The following LRPPRC variants were observed in gnomAD, a reference collection of about 807,000 sequenced individuals.
The protein encoded by LRPPRC is leucine rich pentatricopeptide repeat containing, also known as leucine-rich PPR motif-containing protein, mitochondrial.
LRPPRC carries 120 observed loss-of-function variants against 180.3 expected under a neutral mutation model. That is an observed-to-expected ratio of 0.67 (90% confidence interval 0.57 to 0.77). The LOEUF is 0.77. LRPPRC is among the 30% of genes least tolerant of loss of function. The pLI is 0.00. For synonymous variants in LRPPRC, 723 were observed against 600.0 expected (o/e 1.21, Z -3.00); for missense variants, 2,012 against 1,657.2 (o/e 1.21, Z -3.72).
intron 23 of LRPPRC, among the ~76,000 whole-genome samples, chr2:43,939,729 C>T (rs974993191): frequency 3.3e-5 from 5 of 152,126 alleles, no homozygotes; most frequent in African/African-American, 1.2e-4. Flanking sequence ...ACTAATCCTC[C>T]CCAAAAAATT....
At chr2:43,933,067 A>G (rs1672147859) in intron 25 of LRPPRC, among the ~76,000 whole-genome samples, 1 of 152,160 alleles carries the variant, frequency 6.6e-6, no homozygotes, top group Non-Finnish European at 1.5e-5. Flanking sequence ...GAAAAATTAT[A>G]CCATTTTCTA....
intron 27 of LRPPRC, among the ~76,000 whole-genome samples, chr2:43,922,832 G>T (rs1671745889): frequency 6.6e-6 from 1 of 152,132 alleles, no homozygotes; most frequent in Non-Finnish European, 1.5e-5. Flanking sequence ...AATGCAGAAG[G>T]GGATAGCTTG....
intron 36 of LRPPRC, among the ~76,000 whole-genome samples, chr2:43,893,002 A>G (rs1670549720): frequency 6.6e-6 from 1 of 152,194 alleles, no homozygotes; most frequent in Non-Finnish European, 1.5e-5. Flanking sequence ...TTCAACCCTC[A>G]TGGATGAACC....
At position 43,926,102 on chromosome 2, in the gene LRPPRC, T is replaced by C; in HGVS notation, c.2737-141A>G. 5.0e-6 allele frequency: 3 copies of C among 600,118 alleles called. No homozygotes were observed. In the Admixed American group the frequency reaches 8.3e-5, roughly 17 times the overall value. The allele number at this position is 600,118 out of a possible 1,614,324, so 37.2% of individuals were successfully genotyped here. A position where few individuals can be genotyped will look rare whatever the true frequency, so the allele number is the denominator to read the frequency against. ...TTATATACTAAACTATATATACTAG[T>C]ATACAATCTATATACTAAATTTATA... On this transcript the variant is annotated intron_variant, in intron 25 of 37. Transcript: ENST00000260665.
chr2:43,930,440 C>T (rs763855812), intron 25 of LRPPRC, among the ~76,000 whole-genome samples: 2 of 152,144 alleles, frequency 1.3e-5, no homozygotes, highest in Non-Finnish European at 2.9e-5. Context: ...CAGAAGCGTT[C>T]CAGATTTCAG....
chr2:43,976,059 A>G, intron 6 of LRPPRC, 84 bp downstream of exon 6: 1 of 789,590 alleles, frequency 1.3e-6, no homozygotes, highest in Non-Finnish European at 2.2e-6. Flanking sequence ...AACCCCACTT[A>G]ACAAACAAAA....
chr2:43,974,564 G>A (rs750076289), intron 8 of LRPPRC, 50 bp downstream of exon 8: 26 of 1,236,362 alleles, frequency 2.1e-5, no homozygotes, highest in Non-Finnish European at 3.0e-5. Flanking sequence ...TGTAAGAATA[G>A]CAATTCAGAT....
intron 26 of LRPPRC, among the ~76,000 whole-genome samples, chr2:43,925,548 G>C (rs931769153): frequency 6.6e-6 from 1 of 152,072 alleles, no homozygotes; most frequent in Admixed American, 6.5e-5. Context: ...GGTGCAAACA[G>C]GTACCTGCAC....
chr2:43,919,415 T>G (rs1339328680), intron 27 of LRPPRC, among the ~76,000 whole-genome samples: 1 of 152,222 alleles, frequency 6.6e-6, no homozygotes, highest in Non-Finnish European at 1.5e-5. Context: ...TTTCACTTAG[T>G]TGAATAGAGA....
chr2:43,905,956 A>AT (rs975597839), intron 30 of LRPPRC, among the ~76,000 whole-genome samples, 176 bp from the exon 31 acceptor site: 7 of 151,620 alleles, frequency 4.6e-5, no homozygotes, highest in African/African-American at 1.2e-4. Flanking sequence ...TAGAAGGATA[A>AT]TTTTTTTTTG....
chr2:43,938,374 A>G (rs1361769330), intron 23 of LRPPRC, among the ~76,000 whole-genome samples: 1 of 152,200 alleles, frequency 6.6e-6, no homozygotes, highest in Admixed American at 6.5e-5. Context: ...ATTGAGGAAA[A>G]GATTCTGTAA....
intron 11 of LRPPRC, among the ~76,000 whole-genome samples, chr2:43,969,731 T>A (rs537914991): frequency 3.7e-4 from 56 of 152,324 alleles, no homozygotes; most frequent in African/African-American, 1.3e-3. Flanking sequence ...TCTCACTTTG[T>A]CACGCAGGCT....
In LRPPRC at chr2:43,973,771, GCTTTAA is replaced by G. The variant is rs780848960; in HGVS notation, c.1261+18_1261+23del. The G allele has an allele frequency of 2.0e-5, 32 of 1,601,442 alleles. No individual in the cohort carries two copies. In the Admixed American group the frequency reaches 3.0e-4, roughly 15 times the overall value. ...TACCTCAGCAAAACTTCCTTACTTG[GCTTTAA>G]CTTTAAGAATGTAGTACCAGTTTTA... On this transcript the variant is annotated intron_variant, in intron 10 of 37. Transcript: ENST00000260665.
At chr2:43,918,442 A>C in intron 27 of LRPPRC, 44 bp from the exon 28 acceptor site, 2 of 1,296,370 alleles carry the variant, frequency 1.5e-6, no homozygotes, top group African/African-American at 2.9e-5. Flanking sequence ...AAATATGCTA[A>C]ACAGAATACA....
intron 3 of LRPPRC, among the ~76,000 whole-genome samples, chr2:43,977,626 C>T (rs973415202): frequency 6.6e-6 from 1 of 152,162 alleles, no homozygotes; most frequent in African/African-American, 2.4e-5. Context: ...CCTCACATTA[C>T]AGACACACTG....
chr2:43,888,675 G>T lies in LRPPRC; in HGVS notation c.4129-19C>A. ...AGCTTTCCTGTTAAGGAGAAAAAAA[G>T]AGGGAAGTTAGAGATACCAGCAAGA... On this transcript the variant is annotated intron_variant, in intron 37 of 37. Transcript: ENST00000260665. The T allele has an allele frequency of 1.4e-6, 2 of 1,477,180 alleles. No individual in the cohort carries two copies. Among genetic ancestry groups the T allele is most frequent in the Non-Finnish European group, 9.5e-7 (1 of 1,055,996 alleles). 91.5% of individuals were successfully genotyped at this position (1,477,180 alleles called of 1,614,324 possible).
At position 43,899,719 on chromosome 2, in the gene LRPPRC, T is replaced by A. The variant is rs575609875; in HGVS notation, c.3570-114A>T. On this transcript the variant is annotated intron_variant, in intron 32 of 37. Transcript: ENST00000260665. ...TCATGCTAATACTTTAGGAAAAAAA[T>A]GAAATACATTTACACTTAACCAAAT... is the stretch of plus-strand genomic sequence containing the variant. The A allele has an allele frequency of 2.1e-5, 15 of 703,222 alleles. No individual in the cohort carries two copies. In the African/African-American group the frequency reaches 2.1e-4, roughly 10 times the overall value. 43.6% of individuals were successfully genotyped at this position (703,222 alleles called of 1,614,324 possible). A position where few individuals can be genotyped will look rare whatever the true frequency, so the allele number is the denominator to read the frequency against.
At chr2:43,950,292 A>G (rs1672848649) in intron 15 of LRPPRC, among the ~76,000 whole-genome samples, 1 of 152,032 alleles carries the variant, frequency 6.6e-6, no homozygotes, top group South Asian at 2.1e-4. Flanking sequence ...AACGTGTGCC[A>G]TGGTGGTCGG....
Position 43,914,928 on chromosome 2 carries a change from G to A in LRPPRC, c.3149-2370C>T, listed in dbSNP as rs913319306. Among the ~76,000 whole-genome samples, 7 of 151,844 alleles carry A rather than the reference G, an allele frequency of 4.6e-5. No homozygotes were observed. The South Asian group carries it at 6.3e-4, about 14-fold the overall frequency. ...CTAAATCAAAGCTTCACCAGAGGAC[G>A]GGCGTGGTGGTGGCTCATGCCTATA... On this transcript the variant is annotated intron_variant, in intron 29 of 37. Coordinates refer to ENST00000260665, the MANE Select transcript of LRPPRC (RefSeq NM_133259.4).
Sources: gnomAD v4.1 joint callset for allele counts (sites outside exome capture counted in the v4.1 genomes callset) on GRCh38, gnomAD v4.1.1 for gene constraint, MANE v1.5 for transcripts, NCBI Gene and HGNC (gene_info 2026-07-23, HGNC 2026-07-21) for gene names.